Variants in SLC24A3 observed in about 807,000 individuals in gnomAD.
SLC24A3 encodes the protein solute carrier family 24 member 3, also known as sodium/potassium/calcium exchanger 3.
A neutral mutation model predicts 75.8 loss-of-function variants in SLC24A3; 28 were observed. The ratio of observed to expected loss-of-function variants is 0.37; its 90% CI spans 0.27 to 0.51. The LOEUF is 0.51. SLC24A3 is among the 20% of genes least tolerant of loss of function. The pLI, the probability that SLC24A3 is intolerant of heterozygous loss-of-function variation, is 0.94. For synonymous variants in SLC24A3, 372 were observed against 334.1 expected (o/e 1.11, Z -1.24); for missense variants, 663 against 847.8 (o/e 0.78, Z 2.71).
chr20:19,283,450 A>C (rs1043908405), intron 2 of SLC24A3, among the ~76,000 whole-genome samples: 2 of 152,254 alleles, frequency 1.3e-5, no homozygotes, highest in Non-Finnish European at 1.5e-5. Flanking sequence ...CACCAACTAC[A>C]TGTCAAATAC....
intron 8 of SLC24A3, among the ~76,000 whole-genome samples, chr20:19,671,318 G>A (rs776055710): frequency 5.3e-5 from 8 of 152,228 alleles, no homozygotes; most frequent in Non-Finnish European, 1.0e-4. Flanking sequence ...CATGGAGACA[G>A]AAGAAAAGGC....
At chr20:19,325,773 TATAC>T (rs1370680279) in intron 2 of SLC24A3, among the ~76,000 whole-genome samples, 3,635 of 64,390 alleles carry the variant, frequency 0.056, 153 homozygotes, top group African/African-American at 0.15. Context: ...TACATATATA[TATAC>T]ATATATATAT....
intron 12 of SLC24A3, among the ~76,000 whole-genome samples, chr20:19,688,311 C>T (rs1158222948): frequency 3.3e-5 from 5 of 152,204 alleles, no homozygotes; most frequent in African/African-American, 1.2e-4. Flanking sequence ...GCAATCTTCC[C>T]AGTTCTTCTA....
chr20:19,651,263 T>C (rs2032198326), intron 6 of SLC24A3, among the ~76,000 whole-genome samples: 1 of 151,290 alleles, frequency 6.6e-6, no homozygotes, highest in Non-Finnish European at 1.5e-5. Flanking sequence ...AATAATTTGA[T>C]TGGGCATAGA....
chr20:19,469,260 A>G lies in SLC24A3; in HGVS notation c.272-46228A>G, dbSNP rs528612063. On this transcript the variant is annotated intron_variant, in intron 2 of 16. Transcript: ENST00000328041. ...AAGGGTGGCGTAGGAACTGGATGAC[A>G]GGAACTTCAAAGGGTCTGGGACTCG... Among the ~76,000 whole-genome samples, 8 of 152,272 alleles carry G rather than the reference A, an allele frequency of 5.3e-5. No homozygotes were observed. The East Asian group carries it at 1.6e-3, about 30-fold the overall frequency.
chr20:19,525,416 G>A (rs1003731115), intron 3 of SLC24A3, among the ~76,000 whole-genome samples: 3 of 152,170 alleles, frequency 2.0e-5, no homozygotes, highest in Non-Finnish European at 2.9e-5. Context: ...GGGGAGTGAG[G>A]TAGAGAAGGA....
At chr20:19,714,396 C>T (rs1294020285) in intron 15 of SLC24A3, among the ~76,000 whole-genome samples, 2 of 130,628 alleles carry the variant, frequency 1.5e-5, no homozygotes, top group Non-Finnish European at 1.6e-5. Context: ...CACAATGAGA[C>T]CCAGTCTCTA....
At chr20:19,617,052 T>C (rs1229886673) in intron 6 of SLC24A3, among the ~76,000 whole-genome samples, 2 of 152,146 alleles carry the variant, frequency 1.3e-5, no homozygotes, top group Non-Finnish European at 2.9e-5. Context: ...CTGGAATATA[T>C]GGTGCATCAG....
chr20:19,422,794 A>G (rs970158706), intron 2 of SLC24A3, among the ~76,000 whole-genome samples: 2 of 152,184 alleles, frequency 1.3e-5, no homozygotes, highest in African/African-American at 2.4e-5. Context: ...ATCAGGAAGG[A>G]ATTTCTCACC....
At chr20:19,280,230 G>A (rs115699975) in intron 1 of SLC24A3, among the ~76,000 whole-genome samples, 3,497 of 152,246 alleles carry the variant, frequency 0.023, 160 homozygotes, top group African/African-American at 0.079. Flanking sequence ...TTGCAGCCCT[G>A]AGCCCTGTTA....
At chr20:19,281,392 G>C (rs764639275) in intron 2 of SLC24A3, among the ~76,000 whole-genome samples, 1 of 152,186 alleles carries the variant, frequency 6.6e-6, no homozygotes, top group Non-Finnish European at 1.5e-5. Flanking sequence ...AGCAGGATGG[G>C]TGAGGATATT....
At chr20:19,543,672 A>T (rs914815032) in intron 3 of SLC24A3, among the ~76,000 whole-genome samples, 1 of 152,220 alleles carries the variant, frequency 6.6e-6, no homozygotes, top group East Asian at 1.9e-4. Context: ...GAAGTCTGGC[A>T]TCTTGGGCTC....
At chr20:19,269,563 C>T (rs180776206) in intron 1 of SLC24A3, among the ~76,000 whole-genome samples, 177 of 152,302 alleles carry the variant, frequency 1.2e-3, no homozygotes, top group African/African-American at 4.1e-3. Flanking sequence ...TTGCCATCTG[C>T]CCCCCTTTGC....
intron 2 of SLC24A3, among the ~76,000 whole-genome samples, chr20:19,336,697 C>G (rs1985143995): frequency 7.7e-6 from 1 of 130,304 alleles, no homozygotes; most frequent in Admixed American, 7.6e-5. Context: ...CCCCCCACCC[C>G]CCACCCCCCA....
chr20:19,608,611 G>T (rs543833951), intron 6 of SLC24A3, among the ~76,000 whole-genome samples: 3 of 152,166 alleles, frequency 2.0e-5, no homozygotes, highest in East Asian at 3.8e-4. Flanking sequence ...TAGAATGACC[G>T]TGTCACAATA....
At chr20:19,356,869 A>G (rs2122333352) in intron 2 of SLC24A3, among the ~76,000 whole-genome samples, 1 of 151,944 alleles carries the variant, frequency 6.6e-6, no homozygotes, top group African/African-American at 2.4e-5. Context: ...TAATAATAAT[A>G]ATAATAATTC....
intron 8 of SLC24A3, among the ~76,000 whole-genome samples, chr20:19,670,611 C>A (rs1042513775): frequency 6.6e-6 from 1 of 152,238 alleles, no homozygotes; most frequent in African/African-American, 2.4e-5. Context: ...TGACTTCTCA[C>A]TGAATCTATT....
At chr20:19,521,496 T>A (rs1460474988) in intron 3 of SLC24A3, among the ~76,000 whole-genome samples, 1 of 152,060 alleles carries the variant, frequency 6.6e-6, no homozygotes, top group East Asian at 1.9e-4. Context: ...GAGACTTATG[T>A]GGATGTGTTC....
chr20:19,445,539 A>G (rs1325322033), intron 2 of SLC24A3, among the ~76,000 whole-genome samples: 1 of 152,226 alleles, frequency 6.6e-6, no homozygotes, highest in East Asian at 1.9e-4. Context: ...ACTCTGAGAA[A>G]AAGTACATTA....
Sources: allele counts gnomAD v4.1 joint callset (sites outside exome capture counted in the v4.1 genomes callset), GRCh38; gene constraint gnomAD v4.1.1; transcripts MANE v1.5; gene names NCBI Gene and HGNC (gene_info 2026-07-23, HGNC 2026-07-21).